Variants in LRGUK observed in about 807,000 individuals in gnomAD.
The protein encoded by LRGUK is leucine-rich repeat and guanylate kinase domain-containing protein.
In LRGUK, 65 loss-of-function variants were observed where a neutral mutation model predicts 76.0. The ratio of observed to expected loss-of-function variants is 0.85; its 90% CI spans 0.70 to 1.05. LRGUK has a LOEUF of 1.05. Ranked by LOEUF, LRGUK falls within the 50% of genes least tolerant of loss-of-function variation. The probability of loss-of-function intolerance (pLI) is 0.00; values close to 1 mark genes in which losing one functional copy is unlikely to be tolerated. For synonymous variants in LRGUK, 268 were observed against 265.6 expected (o/e 1.01, Z -0.09); for missense variants, 758 against 732.8 (o/e 1.03, Z -0.40).
chr7:134,143,747 A>G (rs1563141091), intron 4 of LRGUK, among the ~76,000 whole-genome samples: 1 of 152,202 alleles, frequency 6.6e-6, no homozygotes, highest in African/African-American at 2.4e-5. Flanking sequence ...GAAATAAACT[A>G]CCTGTGGACA....
intron 7 of LRGUK, among the ~76,000 whole-genome samples, chr7:134,169,942 T>C (rs1449153585): frequency 6.6e-6 from 1 of 152,160 alleles, no homozygotes; most frequent in African/African-American, 2.4e-5. Context: ...TAAAGATTCA[T>C]ACTAATTAGT....
At chr7:134,218,758 A>G (rs1801502391) in intron 15 of LRGUK, among the ~76,000 whole-genome samples, 1 of 152,156 alleles carries the variant, frequency 6.6e-6, no homozygotes, top group Non-Finnish European at 1.5e-5. Flanking sequence ...GTTGGATTTT[A>G]TGCTTATTGT....
intron 1 of LRGUK, among the ~76,000 whole-genome samples, chr7:134,135,285 G>A (rs1245570111): frequency 6.6e-6 from 1 of 152,140 alleles, no homozygotes; most frequent in Non-Finnish European, 1.5e-5. Flanking sequence ...GTCTGTCTTA[G>A]TGTGACATTG....
At chr7:134,211,578 T>C (rs1392731653), downstream of LRGUK, among the ~76,000 whole-genome samples, 1 of 152,240 alleles carries the variant, frequency 6.6e-6, no homozygotes, top group Non-Finnish European at 1.5e-5. Context: ...CTTGGCAATA[T>C]GTTGCCTGAA....
chr7:134,136,198 C>T (rs899525932), intron 1 of LRGUK, among the ~76,000 whole-genome samples: 2 of 152,180 alleles, frequency 1.3e-5, no homozygotes, highest in African/African-American at 4.8e-5. Context: ...GCAGCACAAA[C>T]ATAATACTGA....
chr7:134,244,810 C>A (rs540762355), intron 16 of LRGUK, among the ~76,000 whole-genome samples: 255 of 152,270 alleles, frequency 1.7e-3, no homozygotes, highest in African/African-American at 5.9e-3. Flanking sequence ...ACCCAAATGT[C>A]CATCAGTGAT....
rs576603942 is a variant in LRGUK at position 134,189,990 on chromosome 7, C to T, written c.1335-1665C>T. 1.3e-4 allele frequency among the ~76,000 whole-genome samples: 20 copies of T among 152,238 alleles called. 3 individuals carry two copies. In the South Asian group the frequency reaches 4.2e-3, roughly 32 times the overall value. On this transcript the variant is annotated intron_variant, in intron 11 of 15. Coordinates refer to ENST00000645682, the Ensembl canonical transcript of LRGUK. ...TTTGACTTTGCAACGAAGAGCCTTT[C>T]GAGGTTGGAACTTTACTCTCTGAAT...
At chr7:134,156,550 G>T (rs1798467899) in intron 5 of LRGUK, among the ~76,000 whole-genome samples, 1 of 152,186 alleles carries the variant, frequency 6.6e-6, no homozygotes, top group Non-Finnish European at 1.5e-5. Context: ...GAAAAAGAAA[G>T]TTCTTGGTAC....
At chr7:134,129,867 G>A (rs922534998) in intron 1 of LRGUK, among the ~76,000 whole-genome samples, 1 of 152,016 alleles carries the variant, frequency 6.6e-6, no homozygotes, top group Admixed American at 6.6e-5. Context: ...TTCTCTTTGA[G>A]GCCAAACATA....
chr7:134,173,624 T>C (rs187030368), intron 7 of LRGUK, among the ~76,000 whole-genome samples: 1 of 152,300 alleles, frequency 6.6e-6, no homozygotes, highest in East Asian at 1.9e-4. Flanking sequence ...TTTTTTTTTC[T>C]TTCTGTTCTC....
At chr7:134,187,895 T>C (rs994589421) in intron 11 of LRGUK, among the ~76,000 whole-genome samples, 1 of 152,218 alleles carries the variant, frequency 6.6e-6, no homozygotes, top group Non-Finnish European at 1.5e-5. Context: ...CTTCTCATGA[T>C]GTTGACTACT....
At chr7:134,256,197 C>T (rs10808274) in intron 18 of LRGUK, among the ~76,000 whole-genome samples, 51,293 of 151,982 alleles carry the variant, frequency 0.34, 10,681 homozygotes, top group South Asian at 0.49. Flanking sequence ...GTGGCACATG[C>T]CTGTAATCCC....
At chr7:134,187,664 C>T (rs1403190462) in intron 11 of LRGUK, among the ~76,000 whole-genome samples, 1 of 152,120 alleles carries the variant, frequency 6.6e-6, no homozygotes, top group East Asian at 1.9e-4. Flanking sequence ...TGGAGATATA[C>T]ATTTACTTTC....
exon 1 of LRGUK, chr7:134,127,516 C>T (rs201516998): frequency 1.2e-6 from 2 of 1,614,184 alleles, no homozygotes; most frequent in East Asian, 2.2e-5. Context: ...GGGCAGAAGA[C>T]GAAAGGCAGC....
intron 18 of LRGUK, among the ~76,000 whole-genome samples, chr7:134,250,787 C>A (rs1318089015): frequency 6.6e-6 from 1 of 152,056 alleles, no homozygotes; most frequent in Non-Finnish European, 1.5e-5. Flanking sequence ...GTGAGGTAGG[C>A]AGATGGGAAT....
intron 10 of LRGUK, among the ~76,000 whole-genome samples, chr7:134,178,934 A>AAAAAAAAAAAAAAACCC (rs1799616254): frequency 5.1e-5 from 4 of 78,134 alleles, no homozygotes; most frequent in African/African-American, 5.3e-5. Flanking sequence ...CTCAAAAAAA[A>AAAAAAAAAAAAAAACCC]AAAAAAAAAA....
At chr7:134,149,581 G>T (rs1014016226) in intron 5 of LRGUK, among the ~76,000 whole-genome samples, 2 of 152,218 alleles carry the variant, frequency 1.3e-5, no homozygotes, top group Non-Finnish European at 2.9e-5. Flanking sequence ...GTGTGAAAAT[G>T]AGCAATTAGT....
intron 7 of LRGUK, among the ~76,000 whole-genome samples, chr7:134,164,064 TTG>T (rs1410991372): frequency 1.3e-5 from 2 of 152,170 alleles, no homozygotes; most frequent in African/African-American, 4.8e-5. Flanking sequence ...TAAAAATATA[TTG>T]TGTTTTTCCA....
At chr7:134,204,160 G>T (rs1314891171) in intron 15 of LRGUK, among the ~76,000 whole-genome samples, 1 of 152,138 alleles carries the variant, frequency 6.6e-6, no homozygotes, top group Non-Finnish European at 1.5e-5. Flanking sequence ...TGACTGGGGG[G>T]GCTTGAACAA....
Sources: gnomAD v4.1 joint callset for allele counts (sites outside exome capture counted in the v4.1 genomes callset) on GRCh38, gnomAD v4.1.1 for gene constraint, MANE v1.5 for transcripts, NCBI Gene and HGNC (gene_info 2026-07-23, HGNC 2026-07-21) for gene names.